The following CENPT variants were observed in gnomAD, a reference collection of about 807,000 sequenced individuals.
CENPT encodes interphase centromere complex protein 22.
CENPT carries 42 observed loss-of-function variants against 59.7 expected under a neutral mutation model. The ratio of observed to expected loss-of-function variants is 0.70; its 90% CI spans 0.55 to 0.91. The LOEUF is 0.91. CENPT is among the 40% of genes least tolerant of loss of function. The pLI is 0.00. For missense variants in CENPT, 716 were observed against 713.4 expected (o/e 1.00, Z -0.04); for synonymous variants, 295 against 289.6 (o/e 1.02, Z -0.19).
At chr16:67,840,039 G>A (rs1424962525) in intron 1 of CENPT, among the ~76,000 whole-genome samples, 1 of 152,124 alleles carries the variant, frequency 6.6e-6, no homozygotes, top group African/African-American at 2.4e-5. Context: ...ATTAGAGGCC[G>A]GGCGCGGTGG....
In CENPT at chr16:67,842,545, C is replaced by G; in HGVS notation, c.-492+4856G>C. 2.7e-6 allele frequency: 4 copies of G among 1,501,806 alleles called. No homozygotes were observed. The highest frequency in any genetic ancestry group is 3.6e-6 in the Non-Finnish European group (4 of 1,121,554). 93.0% of individuals were successfully genotyped at this position (1,501,806 alleles called of 1,614,324 possible). On this transcript the variant is annotated intron_variant, in intron 1 of 15. Transcript: ENST00000562787. This position sits in a 1 kb window ranked among gnomAD's most constrained non-coding sequence, Gnocchi z 4.9. ...GGCCGGTGGGCCGGGCCGGGCCGCG[C>G]GGCGCAGCCATGCCTGGCTTTACGT... is the stretch of plus-strand genomic sequence containing the variant.
At chr16:67,840,806 T>C (rs1179717177) in intron 1 of CENPT, among the ~76,000 whole-genome samples, 1 of 151,840 alleles carries the variant, frequency 6.6e-6, no homozygotes, top group African/African-American at 2.4e-5. Context: ...GTAATTCACC[T>C]GGAGAACTGC....
At chr16:67,836,048 T>C (rs1169406278) in intron 1 of CENPT, among the ~76,000 whole-genome samples, 2 of 138,486 alleles carry the variant, frequency 1.4e-5, no homozygotes, top group African/African-American at 5.4e-5. Context: ...TGGTCTGCAG[T>C]TTTGTTTTTG....
At chr16:67,837,121 C>T (rs569166711) in intron 1 of CENPT, among the ~76,000 whole-genome samples, 3 of 151,966 alleles carry the variant, frequency 2.0e-5, no homozygotes, top group East Asian at 3.9e-4. Context: ...TCTTCCGCCT[C>T]GGCCTCCCAA....
chr16:67,843,050 A>C lies in CENPT; in HGVS notation c.-492+4351T>G. On this transcript the variant is annotated intron_variant, in intron 1 of 15. Transcript: ENST00000562787. This position sits in a 1 kb window ranked among gnomAD's most constrained non-coding sequence, Gnocchi z 5.7. ...TCTCACCCTTCAGGCCACTGTAGAC[A>C]GCAGTCAGGCTCCGGGATCCGTACA... 6.2e-7 allele frequency: 1 copy of C among 1,612,318 alleles called. No homozygotes were observed. The highest frequency in any genetic ancestry group is 8.5e-7 in the Non-Finnish European group (1 of 1,180,026).
Position 67,842,473 on chromosome 16 carries a change from G to C in CENPT, c.-492+4928C>G, listed in dbSNP as rs1161236090. On this transcript the variant is annotated intron_variant, in intron 1 of 15. Coordinates refer to ENST00000562787, the MANE Select transcript of CENPT (RefSeq NM_025082.4). This position sits in a 1 kb window ranked among gnomAD's most constrained non-coding sequence, Gnocchi z 4.9. Reference sequence around the variant, plus strand: ...AAGGCCTCGCGCGGCGCCGCCCGTCGAGGGGCGGGCGGCGGCGTAGCCACT... The same window carrying C: ...AAGGCCTCGCGCGGCGCCGCCCGTCCAGGGGCGGGCGGCGGCGTAGCCACT... The C allele has an allele frequency of 1.7e-6, 2 of 1,148,746 alleles. No homozygotes were observed. Among genetic ancestry groups the C allele is most frequent in the African/African-American group, 1.6e-5 (1 of 61,522 alleles). 71.2% of individuals were successfully genotyped at this position (1,148,746 alleles called of 1,614,324 possible).
rs1567788607 is a variant in CENPT at position 67,828,284 on chromosome 16, C to T, written c.1669G>A (p.Val557Ile). 1.3e-6 allele frequency: 2 copies of T among 1,598,470 alleles called. No individual in the cohort carries two copies. The highest frequency in any genetic ancestry group is 8.6e-7 in the Non-Finnish European group (1 of 1,168,928). ...LIPCAYSGNSVFPAQ is the reference protein window; with the variant it reads ...LIPCAYSGNSIFPAQ Reference sequence around the variant, plus strand: ...CCTGGCCACTACTGGGCAGGGAAGACAGAGTTGCCACTGTATGCACAGGGG... The same window carrying T: ...CCTGGCCACTACTGGGCAGGGAAGATAGAGTTGCCACTGTATGCACAGGGG... Residue 557 changes from valine (V) to isoleucine (I), a missense_variant, in exon 16 of 16, where the codon GTC (valine) becomes ATC (isoleucine). Physicochemically the swap from Val to Ile is conservative, Grantham distance 29. Transcript: ENST00000562787.
chr16:67,830,568 A>C lies in CENPT; in HGVS notation c.704-20T>G. The stretch of plus-strand genomic sequence containing the variant: ...CAATGTCTGTGGGCAGAGTAGTAAC[A>C]GGTTCTGAGGCTGTCACCTGGAGAT... On this transcript the variant is annotated intron_variant, in intron 10 of 15. Coordinates refer to ENST00000562787, the MANE Select transcript of CENPT (RefSeq NM_025082.4). The C allele has an allele frequency of 6.2e-7, 1 of 1,611,138 alleles. No individual in the cohort carries two copies. The highest frequency in any genetic ancestry group is 8.5e-7 in the Non-Finnish European group (1 of 1,179,112).
At chr16:67,828,876 T>C (rs772934894) in intron 13 of CENPT, 33 bp from the exon 14 acceptor site, 1 of 1,548,344 alleles carries the variant, frequency 6.5e-7, no homozygotes, top group Admixed American at 2.3e-5. Flanking sequence ...GGGGCTGAAC[T>C]TGCCTCAAGG....
chr16:67,834,002 A>G lies in CENPT; in HGVS notation c.-143T>C, dbSNP rs1006297445. Reference sequence around the variant, plus strand: ...CGCACTATCGCAGCTCGCGGGGTGGACAGTGATGGTTGCAAACTCCGGATG... The same window carrying G: ...CGCACTATCGCAGCTCGCGGGGTGGGCAGTGATGGTTGCAAACTCCGGATG... On this transcript the variant is annotated 5_prime_UTR_variant, in exon 4 of 16. Coordinates refer to ENST00000562787, the MANE Select transcript of CENPT (RefSeq NM_025082.4). 1.8e-6 allele frequency: 1 copy of G among 558,678 alleles called. No individual in the cohort carries two copies. Among genetic ancestry groups the G allele is most frequent in the Admixed American group, 4.3e-5 (1 of 23,442 alleles). The allele number at this position is 558,678 out of a possible 1,614,324, so 34.6% of individuals were successfully genotyped here.
rs1340303866 is a variant in CENPT, at chr16:67,842,848, G to C, written c.-492+4553C>G. ...TAGCGCGCAGACCCGCTGGGGCCGC[G>C]GCCGCCCGCCGCAGGCAGCAGCAGC... On this transcript the variant is annotated intron_variant, in intron 1 of 15. Transcript: ENST00000562787. The surrounding 1 kb of genome is among the most constrained non-coding windows in gnomAD (Gnocchi z 4.9). 1.2e-6 allele frequency: 2 copies of C among 1,605,194 alleles called. No individual in the cohort carries two copies. Among genetic ancestry groups the C allele is most frequent in the Non-Finnish European group, 1.7e-6 (2 of 1,178,666 alleles).
intron 1 of CENPT, among the ~76,000 whole-genome samples, chr16:67,845,381 G>A (rs966995581): frequency 2.6e-5 from 4 of 152,176 alleles, no homozygotes; most frequent in Non-Finnish European, 1.5e-5. Context: ...CACTGAGTTG[G>A]GAAAGTGGTG....
At chr16:67,837,867 G>C in intron 1 of CENPT, among the ~76,000 whole-genome samples, 1 of 152,274 alleles carries the variant, frequency 6.6e-6, no homozygotes, top group South Asian at 2.1e-4. Flanking sequence ...ACTAATATGG[G>C]GTCTTGCAAG....
chr16:67,832,325 A>T lies in CENPT; in HGVS notation c.202-10T>A. ...CCGATCTGCCAACAGACTATCGGCA[A>T]AGCACCAAGCAACCAGTCTGTCCGT... On this transcript the variant is annotated splice_polypyrimidine_tract_variant and intron_variant, in intron 5 of 15. Coordinates refer to ENST00000562787, the MANE Select transcript of CENPT (RefSeq NM_025082.4). The T allele has an allele frequency of 6.2e-7, 1 of 1,614,032 alleles. No homozygotes were observed. Among genetic ancestry groups the T allele is most frequent in the Non-Finnish European group, 8.5e-7 (1 of 1,179,884 alleles).
In CENPT at chr16:67,833,943, T is replaced by G; in HGVS notation, c.-84A>C. 2.3e-6 allele frequency: 2 copies of G among 862,854 alleles called. No individual in the cohort carries two copies. Among genetic ancestry groups the G allele is most frequent in the Non-Finnish European group, 3.3e-6 (2 of 597,224 alleles). 53.4% of individuals were successfully genotyped at this position (862,854 alleles called of 1,614,324 possible). The stretch of plus-strand genomic sequence containing the variant: ...GCCACAGTTAATGTAACTCTCGCGA[T>G]GCTCCCGCACAGCCCCACGGGAATT... On this transcript the variant is annotated 5_prime_UTR_variant, in exon 4 of 16. Transcript: ENST00000562787.
Position 67,843,501 on chromosome 16 carries a change from C to T in CENPT, c.-492+3900G>A. The T allele has an allele frequency of 3.1e-6, 5 of 1,602,832 alleles. No individual in the cohort carries two copies. Among genetic ancestry groups the T allele is most frequent in the Non-Finnish European group, 4.3e-6 (5 of 1,173,788 alleles). On this transcript the variant is annotated intron_variant, in intron 1 of 15. Coordinates refer to ENST00000562787, the MANE Select transcript of CENPT (RefSeq NM_025082.4). The surrounding 1 kb of genome is among the most constrained non-coding windows in gnomAD (Gnocchi z 5.7). Reference sequence around the variant, plus strand: ...ATCCGCAAGAAGCACGGAATGTGAACTGGTGCCCCGGCAGCCTGCTGGACT... The same window carrying T: ...ATCCGCAAGAAGCACGGAATGTGAATTGGTGCCCCGGCAGCCTGCTGGACT...
chr16:67,843,422 G>A lies in CENPT; in HGVS notation c.-492+3979C>T. 1.2e-6 allele frequency: 2 copies of A among 1,614,088 alleles called. No individual in the cohort carries two copies. The highest frequency in any genetic ancestry group is 1.7e-6 in the Non-Finnish European group (2 of 1,180,046). ...CATTCGCCACCTGCGTCTCACTGAG[G>A]CCAAGCTGCGCGAAGAACTGCGTGA... On this transcript the variant is annotated intron_variant, in intron 1 of 15. Coordinates refer to ENST00000562787, the MANE Select transcript of CENPT (RefSeq NM_025082.4). The surrounding 1 kb of genome is among the most constrained non-coding windows in gnomAD (Gnocchi z 5.7).
At chr16:67,844,991 G>A (rs1451353886) in intron 1 of CENPT, among the ~76,000 whole-genome samples, 2 of 152,052 alleles carry the variant, frequency 1.3e-5, no homozygotes, top group African/African-American at 2.4e-5. Flanking sequence ...ATTTCACCAT[G>A]TTGGCCAGGC....
chr16:67,830,720 G>T lies in CENPT; in HGVS notation c.704-172C>A, dbSNP rs779338897. The stretch of plus-strand genomic sequence containing the variant: ...TCAGAGAAAGAAGACGACCTAGCAC[G>T]CGAGGCCTTATCGCCTACAGCCCTC... On this transcript the variant is annotated intron_variant, in intron 10 of 15. Coordinates refer to ENST00000562787, the MANE Select transcript of CENPT (RefSeq NM_025082.4). 7 of 633,072 alleles carry T rather than the reference G, an allele frequency of 1.1e-5. No individual in the cohort carries two copies. The Admixed American group carries it at 1.3e-4, about 11-fold the overall frequency. The allele number at this position is 633,072 out of a possible 1,614,324, so 39.2% of individuals were successfully genotyped here. A position where few individuals can be genotyped will look rare whatever the true frequency, so the allele number is the denominator to read the frequency against.
Sources: gnomAD v4.1 joint callset for allele counts (sites outside exome capture counted in the v4.1 genomes callset) on GRCh38, gnomAD v4.1.1 for gene constraint, Gnocchi (gnomAD v3.1) non-coding constraint, MANE v1.5 for transcripts, NCBI Gene and HGNC (gene_info 2026-07-23, HGNC 2026-07-21) for gene names.